The following INO80 variants were observed in gnomAD, a reference collection of about 807,000 sequenced individuals.
INO80 encodes chromatin-remodeling ATPase INO80.
Under a neutral mutation model 203.4 loss-of-function variants are expected in INO80, and 20 were observed. That is an observed-to-expected ratio of 0.10 (90% CI 0.07 to 0.14). INO80 has a LOEUF of 0.14. INO80 is among the 10% of genes least tolerant of loss of function. The pLI, the probability that INO80 is intolerant of heterozygous loss-of-function variation, is 1.00. For synonymous variants in INO80, 726 were observed against 685.2 expected (o/e 1.06, Z -0.93); for missense variants, 1,419 against 1,914.4 (o/e 0.74, Z 4.83).
intron 18 of INO80, 99 bp from the exon 19 acceptor site, chr15:41,054,113 T>C: frequency 1.2e-6 from 1 of 860,364 alleles, no homozygotes; most frequent in Non-Finnish European, 1.8e-6. Flanking sequence ...TCTTCAAAAC[T>C]CCTTTGGCTC....
At chr15:41,034,049 G>A (rs531163761) in intron 24 of INO80, among the ~76,000 whole-genome samples, 30 of 152,172 alleles carry the variant, frequency 2.0e-4, no homozygotes, top group African/African-American at 5.8e-4. Context: ...GTGACAGAGC[G>A]AGACTCTGTC....
intron 28 of INO80, chr15:41,005,285 C>A: frequency 4.5e-6 from 1 of 221,024 alleles, no homozygotes; most frequent in Non-Finnish European, 8.7e-6. Flanking sequence ...TACCTATTAT[C>A]CATTGAGGAG....
intron 26 of INO80, among the ~76,000 whole-genome samples, chr15:41,020,208 G>C (rs972128793): frequency 1.3e-5 from 2 of 151,950 alleles, no homozygotes; most frequent in African/African-American, 4.8e-5. Flanking sequence ...GCAACAGAGC[G>C]GGACTCCATC....
intron 1 of INO80, among the ~76,000 whole-genome samples, chr15:41,098,524 A>T (rs1299424915): frequency 6.6e-6 from 1 of 152,146 alleles, no homozygotes; most frequent in Non-Finnish European, 1.5e-5. Flanking sequence ...AAGAATTTAA[A>T]ATTAGCTGGG....
At chr15:41,096,973 G>A (rs983966482) in intron 1 of INO80, among the ~76,000 whole-genome samples, 2 of 152,220 alleles carry the variant, frequency 1.3e-5, no homozygotes, top group East Asian at 3.8e-4. Flanking sequence ...TATAGCCTAA[G>A]CATTCTCTTT....
intron 29 of INO80, among the ~76,000 whole-genome samples, chr15:40,994,948 TG>T (rs1183528539): frequency 6.6e-6 from 1 of 151,410 alleles, no homozygotes; most frequent in Non-Finnish European, 1.5e-5. Context: ...CTCCGCCTCC[TG>T]GGTTCAAGTG....
intron 5 of INO80, among the ~76,000 whole-genome samples, chr15:41,089,484 G>C (rs971620930): frequency 4.7e-4 from 72 of 152,112 alleles, no homozygotes; most frequent in African/African-American, 1.7e-3. Context: ...GGGCGGGGTG[G>C]CTCACCCCTG....
At chr15:41,032,003 C>A (rs1176779444) in intron 24 of INO80, among the ~76,000 whole-genome samples, 31 of 46,720 alleles carry the variant, frequency 6.6e-4, no homozygotes, top group African/African-American at 1.9e-3. Flanking sequence ...CACAGGACAG[C>A]ACAGCACAGC....
chr15:40,997,494 C>T, intron 29 of INO80, 35 bp downstream of exon 29: 1 of 1,375,860 alleles, frequency 7.3e-7, no homozygotes, highest in Non-Finnish European at 1.0e-6. Flanking sequence ...AGTAGAAAAC[C>T]TGCATATCTA....
At chr15:41,106,475 G>GCATA (rs1412144021) in intron 1 of INO80, among the ~76,000 whole-genome samples, 2 of 151,524 alleles carry the variant, frequency 1.3e-5, no homozygotes, top group Non-Finnish European at 2.9e-5. Context: ...CATACAGTGA[G>GCATA]CATACAGTAA....
intron 1 of INO80, among the ~76,000 whole-genome samples, chr15:41,115,746 A>G (rs556949921): frequency 6.6e-6 from 1 of 151,866 alleles, no homozygotes; most frequent in East Asian, 1.9e-4. Flanking sequence ...TCACCGCATG[A>G]CCCCGGGTCT....
At chr15:41,079,574 C>CA (rs57754557) in intron 9 of INO80, 127 bp downstream of exon 9, 146,444 of 619,616 alleles carry the variant, frequency 0.24, 707 homozygotes, top group Non-Finnish European at 0.26. Context: ...GCATCTCTAC[C>CA]AAAAAAAAAA....
At chr15:41,096,910 T>TAA (rs1336693806) in intron 1 of INO80, among the ~76,000 whole-genome samples, 1 of 152,240 alleles carries the variant, frequency 6.6e-6, no homozygotes, top group Non-Finnish European at 1.5e-5. Flanking sequence ...GAGTAAAATT[T>TAA]AAATTTAGAA....
At chr15:41,029,079 T>G (rs577550881) in intron 24 of INO80, among the ~76,000 whole-genome samples, 1 of 152,258 alleles carries the variant, frequency 6.6e-6, no homozygotes, top group Admixed American at 6.5e-5. Flanking sequence ...ATAAGGCAGG[T>G]TGATGACCAA....
Position 41,095,812 on chromosome 15 carries a change from G to A in INO80, c.260C>T (p.Ala87Val), listed in dbSNP as rs1204451116. 6.2e-7 allele frequency: 1 copy of A among 1,613,962 alleles called. No homozygotes were observed. Among genetic ancestry groups the A allele is most frequent in the African/African-American group, 1.3e-5 (1 of 74,916 alleles). ...PNSLLGETSG[A>V]GSSGMLNTYS... Reference sequence around the variant, plus strand: ...TGTGTTTAACATTCCAGAACTGCCTGCTCCAGAAGTTTCACCAAGCAATGA... The same window carrying A: ...TGTGTTTAACATTCCAGAACTGCCTACTCCAGAAGTTTCACCAAGCAATGA... Residue 87 changes from alanine to valine, a missense_variant, in exon 3 of 36, where the codon GCA becomes GTA. Coordinates refer to ENST00000648947, the MANE Select transcript of INO80 (RefSeq NM_017553.3).
At chr15:41,027,796 A>G (rs976460117) in intron 24 of INO80, 60 bp from the exon 25 acceptor site, 2 of 1,288,546 alleles carry the variant, frequency 1.6e-6, no homozygotes, top group Non-Finnish European at 2.1e-6. Context: ...AAGCAAAATG[A>G]AAAAAAAAGC....
intron 14 of INO80, among the ~76,000 whole-genome samples, chr15:41,063,341 A>C (rs533133633): frequency 2.0e-5 from 3 of 152,054 alleles, no homozygotes; most frequent in African/African-American, 7.2e-5. Context: ...CGTCTCAAAA[A>C]AAATTTTAAT....
intron 9 of INO80, among the ~76,000 whole-genome samples, chr15:41,076,135 C>T (rs988386939): frequency 6.6e-6 from 1 of 151,970 alleles, no homozygotes; most frequent in Non-Finnish European, 1.5e-5. Context: ...CCAAGGCTGG[C>T]AGATCACCTG....
intron 9 of INO80, among the ~76,000 whole-genome samples, chr15:41,076,179 G>A (rs145134006): frequency 6.6e-6 from 1 of 152,140 alleles, no homozygotes; most frequent in Non-Finnish European, 1.5e-5. Context: ...TGGTCAACAT[G>A]GAGAAACCTC....
Sources: allele counts gnomAD v4.1 joint callset (sites outside exome capture counted in the v4.1 genomes callset), GRCh38; gene constraint gnomAD v4.1.1; transcripts MANE v1.5; gene names NCBI Gene and HGNC (gene_info 2026-07-23, HGNC 2026-07-21).